EVC2: variants seen among roughly 807,000 people sequenced by gnomAD.
The protein encoded by EVC2 is EvC ciliary complex subunit 2.
In EVC2, 148 loss-of-function variants were observed where a neutral mutation model predicts 149.3. The observed-to-expected ratio is 0.99, with a 90% confidence interval of 0.87 to 1.14. The LOEUF is 1.14. Among genes scored for constraint, EVC2 ranks in the 50% most tolerant of loss-of-function variants. EVC2 has a pLI of 0.00. For missense variants in EVC2, 1,854 were observed against 1,627.3 expected (o/e 1.14, Z -2.40); for synonymous variants, 776 against 649.9 (o/e 1.19, Z -2.95).
chr4:5,546,084 G>A (rs1721611043), intron 21 of EVC2, among the ~76,000 whole-genome samples: 1 of 152,152 alleles, frequency 6.6e-6, no homozygotes, highest in Non-Finnish European at 1.5e-5. Context: ...GAGAGGATGT[G>A]GAGAAACAGG....
chr4:5,685,530 G>C, intron 5 of EVC2, 51 bp from the exon 6 acceptor site: 1 of 1,520,552 alleles, frequency 6.6e-7, no homozygotes, highest in Non-Finnish European at 9.1e-7. Flanking sequence ...CCACGCCCCC[G>C]GCTGCACCCC....
rs1560126707 is a variant in EVC2 at position 5,568,473 on chromosome 4, T to TCCGCC, written c.3523_3527dup (p.Gln1179ArgfsTer19). On this transcript the variant is annotated frameshift_variant, in exon 20 of 22. Transcript: ENST00000344408. LOFTEE classifies it high-confidence loss of function. ...GCCTGCCCACGTCGGCCTGCTCCGCTCCGCCATCGCTCTCAGCTGCGTGGT... is the reference window on the plus strand; with the variant it reads ...GCCTGCCCACGTCGGCCTGCTCCGCTCCGCCCCGCCATCGCTCTCAGCTGCGTGGT... The TCCGCC allele has an allele frequency of 1.3e-6, 2 of 1,573,686 alleles. No homozygotes were observed. Among genetic ancestry groups the TCCGCC allele is most frequent in the African/African-American group, 1.4e-5 (1 of 73,920 alleles).
At chr4:5,592,470 C>T (rs1470818652) in intron 16 of EVC2, among the ~76,000 whole-genome samples, 1 of 152,130 alleles carries the variant, frequency 6.6e-6, no homozygotes, top group African/African-American at 2.4e-5. Flanking sequence ...AGGAGAGAGC[C>T]CCGCCAAATA....
intron 21 of EVC2, among the ~76,000 whole-genome samples, chr4:5,552,456 C>T (rs560557235): frequency 1.1e-4 from 16 of 152,220 alleles, no homozygotes; most frequent in Non-Finnish European, 1.9e-4. Flanking sequence ...TAGATGTACA[C>T]AAATATTTAT....
At chr4:5,664,351 T>G (rs555935047) in intron 8 of EVC2, among the ~76,000 whole-genome samples, 4 of 152,344 alleles carry the variant, frequency 2.6e-5, no homozygotes, top group African/African-American at 9.6e-5. Context: ...GAGTTCATTC[T>G]GTGATGCCAG....
At chr4:5,574,294 A>G (rs1577106039) in intron 19 of EVC2, among the ~76,000 whole-genome samples, 1 of 152,146 alleles carries the variant, frequency 6.6e-6, no homozygotes, top group East Asian at 1.9e-4. Context: ...GCTGATCTCC[A>G]CTCAGAGAGG....
Position 5,640,887 on chromosome 4 carries a change from G to T in EVC2, c.1146-49C>A. ...AATTCCATTACATGAAATTGCAACA[G>T]AAACCAAAGGTCTTTCAAAGCTCTG... On this transcript the variant is annotated intron_variant, in intron 9 of 21. Transcript: ENST00000344408. The surrounding 1 kb of genome is among the most constrained non-coding windows in gnomAD (Gnocchi z 4.6). The T allele has an allele frequency of 6.2e-7, 1 of 1,602,000 alleles. No homozygotes were observed. Among genetic ancestry groups the T allele is most frequent in the Non-Finnish European group, 8.5e-7 (1 of 1,169,894 alleles).
intron 3 of EVC2, among the ~76,000 whole-genome samples, chr4:5,692,649 T>C (rs900032796): frequency 6.6e-6 from 1 of 150,656 alleles, no homozygotes; most frequent in African/African-American, 2.4e-5. Context: ...GGGTGGATCA[T>C]GAGGTCAGGA....
intron 19 of EVC2, among the ~76,000 whole-genome samples, chr4:5,572,178 A>T (rs1722680832): frequency 6.6e-6 from 1 of 152,204 alleles, no homozygotes; most frequent in Non-Finnish European, 1.5e-5. Context: ...AGACTATACA[A>T]AGCACCAAGT....
intron 21 of EVC2, among the ~76,000 whole-genome samples, chr4:5,563,903 G>A (rs1374534032): frequency 6.6e-6 from 1 of 152,092 alleles, no homozygotes; most frequent in East Asian, 1.9e-4. Context: ...GGCACACTTT[G>A]AGAATGTCCC....
rs781355081 is a variant in EVC2, at chr4:5,618,585, C to T, written c.2599G>A (p.Ala867Thr). Reference sequence around the variant, plus strand: ...ACTCGGGCCCGGATCTTGGGGAGGGCCAAGCTCCTGTCCATCTGAGCAAAG... The same window carrying T: ...ACTCGGGCCCGGATCTTGGGGAGGGTCAAGCTCCTGTCCATCTGAGCAAAG... ...GCFAQMDRSLALPKIRARVLL... is the reference protein window; with the variant it reads ...GCFAQMDRSLTLPKIRARVLL... Residue 867 changes from alanine (A) to threonine (T), a missense_variant, in exon 15 of 22, where the codon GCC (alanine) becomes ACC (threonine). Ala to Thr is a moderately conservative substitution (Grantham distance 58, BLOSUM62 0). Transcript: ENST00000344408. The surrounding 1 kb of genome is among the most constrained non-coding windows in gnomAD (Gnocchi z 4.4). 2.5e-6 allele frequency: 4 copies of T among 1,613,926 alleles called. No individual in the cohort carries two copies. The highest frequency in any genetic ancestry group is 1.3e-5 in the African/African-American group (1 of 74,910).
intron 9 of EVC2, among the ~76,000 whole-genome samples, chr4:5,647,660 C>T (rs1436663242): frequency 6.6e-6 from 1 of 152,210 alleles, no homozygotes; most frequent in Non-Finnish European, 1.5e-5. Flanking sequence ...TACTCTGAGA[C>T]AGACAGAATG....
chr4:5,628,252 C>A (rs1716261842), intron 12 of EVC2, among the ~76,000 whole-genome samples: 2 of 151,844 alleles, frequency 1.3e-5, no homozygotes, highest in South Asian at 2.1e-4. Context: ...GAGACGGGAC[C>A]TTTACGAGAT....
rs766974622 is a variant in EVC2 at position 5,618,149 on chromosome 4, G to T, written c.2706+329C>A. Among the ~76,000 whole-genome samples the T allele has an allele frequency of 2.0e-5, 3 of 152,154 alleles. No individual in the cohort carries two copies. The highest frequency in any genetic ancestry group is 2.9e-5 in the Non-Finnish European group (2 of 68,022). On this transcript the variant is annotated intron_variant, in intron 15 of 21. Coordinates refer to ENST00000344408, the MANE Select transcript of EVC2 (RefSeq NM_147127.5). This position sits in a 1 kb window ranked among gnomAD's most constrained non-coding sequence, Gnocchi z 4.4. ...CAGTCATTAGCTGTGGCTGGAGGAG[G>T]GGGCAGGAGAGACAGAGTAATATCT... is the stretch of plus-strand genomic sequence containing the variant.
intron 17 of EVC2, among the ~76,000 whole-genome samples, chr4:5,580,251 C>T (rs753750004): frequency 4.6e-5 from 7 of 152,198 alleles, no homozygotes; most frequent in Non-Finnish European, 8.8e-5. Context: ...AAACAACAGG[C>T]TTGTCTTCAT....
At chr4:5,579,067 G>C (rs1277240147) in intron 17 of EVC2, among the ~76,000 whole-genome samples, 3 of 152,196 alleles carry the variant, frequency 2.0e-5, no homozygotes, top group Non-Finnish European at 2.9e-5. Flanking sequence ...GAGAGAGGGA[G>C]TGGTGAAAGG....
chr4:5,642,041 T>C (rs373409490), intron 9 of EVC2, among the ~76,000 whole-genome samples: 13 of 141,068 alleles, frequency 9.2e-5, no homozygotes, highest in African/African-American at 3.3e-4. Context: ...CATGCAGTGT[T>C]TGGTTTTCTG....
intron 21 of EVC2, among the ~76,000 whole-genome samples, chr4:5,550,436 T>C (rs1215877947): frequency 1.3e-5 from 2 of 152,196 alleles, no homozygotes; most frequent in African/African-American, 4.8e-5. Context: ...GCCCCTATCC[T>C]AGAGATTTGT....
At chr4:5,699,742 G>A (rs993346602) in intron 1 of EVC2, among the ~76,000 whole-genome samples, 3 of 151,124 alleles carry the variant, frequency 2.0e-5, no homozygotes, top group Admixed American at 2.0e-4. Context: ...GAATTACTTG[G>A]AGCCCAGGAG....
Sources: allele counts gnomAD v4.1 joint callset (sites outside exome capture counted in the v4.1 genomes callset), GRCh38; gene constraint gnomAD v4.1.1; non-coding constraint Gnocchi (gnomAD v3.1); transcripts MANE v1.5; gene names NCBI Gene and HGNC (gene_info 2026-07-23, HGNC 2026-07-21).